Variants in BIRC6 observed in about 807,000 individuals in gnomAD.
The protein encoded by BIRC6 is dual E2 ubiquitin-conjugating enzyme/E3 ubiquitin-protein ligase BIRC6.
Under a neutral mutation model 503.3 loss-of-function variants are expected in BIRC6, and 98 were observed. That is an observed-to-expected ratio of 0.19 (90% CI 0.17 to 0.23). BIRC6 has a LOEUF of 0.23. BIRC6 is among the 10% of genes least tolerant of loss of function. BIRC6 has a pLI of 1.00. For synonymous variants in BIRC6, 2,240 were observed against 2,078.7 expected (o/e 1.08, Z -2.11); for missense variants, 5,360 against 5,806.0 (o/e 0.92, Z 2.50).
rs1004954859 is a variant in BIRC6 at position 32,467,857 on chromosome 2, T to C, written c.5572-46T>C. On this transcript the variant is annotated intron_variant, in intron 27 of 73. Coordinates refer to ENST00000421745, the MANE Select transcript of BIRC6 (RefSeq NM_016252.4). ...TTTAAATACATTGCTCAGATTTTTATTGTGGCAGATGTGTATATATGTATA... is the reference window on the plus strand; with the variant it reads ...TTTAAATACATTGCTCAGATTTTTACTGTGGCAGATGTGTATATATGTATA... 37 of 1,489,978 alleles carry C rather than the reference T, an allele frequency of 2.5e-5. 1 individual carries two copies. Among genetic ancestry groups the C allele is most frequent in the Non-Finnish European group, 3.4e-5 (37 of 1,098,372 alleles). 92.3% of individuals were successfully genotyped at this position (1,489,978 alleles called of 1,614,324 possible). A position where few individuals can be genotyped will look rare whatever the true frequency, so the allele number is the denominator to read the frequency against.
chr2:32,448,396 C>G (rs992763751), intron 21 of BIRC6, among the ~76,000 whole-genome samples: 5 of 149,168 alleles, frequency 3.4e-5, no homozygotes, highest in Non-Finnish European at 7.5e-5. Flanking sequence ...CGTCTGCAAT[C>G]CCGGCACCTC....
chr2:32,606,169 C>A (rs140310394), intron 71 of BIRC6, among the ~76,000 whole-genome samples: 1 of 152,148 alleles, frequency 6.6e-6, no homozygotes, highest in Non-Finnish European at 1.5e-5. Context: ...TCTATAGATA[C>A]ATTAACTGGA....
At chr2:32,535,350 C>T (rs181881076) in intron 61 of BIRC6, among the ~76,000 whole-genome samples, 221 of 152,092 alleles carry the variant, frequency 1.5e-3, no homozygotes, top group African/African-American at 5.1e-3. Flanking sequence ...ATGTGCACAA[C>T]GTGCAGGTTT....
Position 32,524,770 on chromosome 2 carries a change from T to C in BIRC6, c.11624-118T>C, listed in dbSNP as rs555121910. ...TCATGCCATTTCTCCTAAATTCCTT[T>C]ATATTGCCTTAGTATTAAGGATAAT... On this transcript the variant is annotated intron_variant, in intron 57 of 73. Transcript: ENST00000421745. 70 of 701,136 alleles carry C rather than the reference T, an allele frequency of 1.0e-4. 1 individual carries two copies. The Middle Eastern group carries it at 3.4e-3, about 34-fold the overall frequency. The allele number at this position is 701,136 out of a possible 1,614,324, so 43.4% of individuals were successfully genotyped here. A position where few individuals can be genotyped will look rare whatever the true frequency, so the allele number is the denominator to read the frequency against.
intron 10 of BIRC6, among the ~76,000 whole-genome samples, chr2:32,427,268 T>G (rs1401659397): frequency 2.7e-5 from 4 of 150,868 alleles, no homozygotes; most frequent in Non-Finnish European, 4.4e-5. Flanking sequence ...TCCAAGCTTC[T>G]TTTAATTTTT....
intron 1 of BIRC6, among the ~76,000 whole-genome samples, chr2:32,358,621 A>G (rs2033568881): frequency 6.6e-6 from 1 of 152,258 alleles, no homozygotes; most frequent in Non-Finnish European, 1.5e-5. Flanking sequence ...ATTCACTTGT[A>G]TTTTAACGTA....
At chr2:32,541,090 A>G (rs1013320116) in intron 61 of BIRC6, among the ~76,000 whole-genome samples, 2 of 152,066 alleles carry the variant, frequency 1.3e-5, no homozygotes, top group African/African-American at 4.8e-5. Flanking sequence ...TTGTGGCATC[A>G]TATGAGAATA....
At position 32,433,819 on chromosome 2, in the gene BIRC6, A is replaced by G; in HGVS notation, c.3409+15A>G. On this transcript the variant is annotated intron_variant, in intron 13 of 73. Coordinates refer to ENST00000421745, the MANE Select transcript of BIRC6 (RefSeq NM_016252.4). ...GAAAGTCAATGGTAAGAATGTATCAAAATTTATCTTTGAAGATTTTATTTT... is the reference window on the plus strand; with the variant it reads ...GAAAGTCAATGGTAAGAATGTATCAGAATTTATCTTTGAAGATTTTATTTT... 1 of 1,490,592 alleles carries G rather than the reference A, an allele frequency of 6.7e-7. No individual in the cohort carries two copies. Among genetic ancestry groups the G allele is most frequent in the African/African-American group, 1.4e-5 (1 of 72,746 alleles). The allele number at this position is 1,490,592 out of a possible 1,614,324, so 92.3% of individuals were successfully genotyped here. A position where few individuals can be genotyped will look rare whatever the true frequency, so the allele number is the denominator to read the frequency against.
At chr2:32,497,000 C>G (rs534523314) in intron 45 of BIRC6, among the ~76,000 whole-genome samples, 2 of 152,150 alleles carry the variant, frequency 1.3e-5, no homozygotes, top group Non-Finnish European at 2.9e-5. Context: ...AGATATGTTA[C>G]TAGCTGGAGC....
At chr2:32,607,422 C>A in intron 71 of BIRC6, 33 bp from the exon 72 acceptor site, 1 of 1,376,856 alleles carries the variant, frequency 7.3e-7, no homozygotes, top group South Asian at 1.9e-5. Context: ...TAAAAATGTC[C>A]CATCATAGCT....
intron 3 of BIRC6, among the ~76,000 whole-genome samples, chr2:32,382,173 C>G (rs1161689508): frequency 2.0e-5 from 3 of 152,134 alleles, no homozygotes; most frequent in Non-Finnish European, 4.4e-5. Flanking sequence ...TTATCAGAAC[C>G]TAGAAACTTA....
At chr2:32,432,140 G>T (rs1574160180) in intron 12 of BIRC6, among the ~76,000 whole-genome samples, 1 of 152,172 alleles carries the variant, frequency 6.6e-6, no homozygotes, top group African/African-American at 2.4e-5. Flanking sequence ...TGGGTGCCAG[G>T]CATGGTCGCT....
chr2:32,392,888 C>G (rs1241793709), intron 5 of BIRC6, among the ~76,000 whole-genome samples: 1 of 151,914 alleles, frequency 6.6e-6, no homozygotes, highest in Non-Finnish European at 1.5e-5. Flanking sequence ...GATCTACGCA[C>G]CTCATCCTCC....
intron 12 of BIRC6, 36 bp downstream of exon 12, chr2:32,431,126 C>T: frequency 1.5e-6 from 2 of 1,351,208 alleles, no homozygotes; most frequent in Non-Finnish European, 2.0e-6. Flanking sequence ...ATTTTAAGTC[C>T]ATCTTGTGTA....
intron 66 of BIRC6, among the ~76,000 whole-genome samples, chr2:32,581,154 GGTCCT>G (rs1320508352): frequency 6.6e-6 from 1 of 152,180 alleles, no homozygotes; most frequent in African/African-American, 2.4e-5. Flanking sequence ...TTTGTATTAA[GGTCCT>G]GGAATGGCAG....
chr2:32,530,789 C>T (rs904022926), intron 60 of BIRC6, among the ~76,000 whole-genome samples: 9 of 152,162 alleles, frequency 5.9e-5, no homozygotes, highest in East Asian at 3.9e-4. Flanking sequence ...TTTTTCAGCA[C>T]GATTATTTCT....
intron 39 of BIRC6, 99 bp from the exon 40 acceptor site, chr2:32,485,544 C>T (rs2050896653): frequency 1.4e-6 from 1 of 735,674 alleles, no homozygotes; most frequent in Non-Finnish European, 2.3e-6. Context: ...ACACACTCTT[C>T]ATCCTCTCTT....
chr2:32,392,091 C>T lies in BIRC6; in HGVS notation c.892C>T (p.His298Tyr). The change falls in exon 5 of 74, where the codon CAT becomes TAT. Residue 298 changes from histidine (H) to tyrosine (Y), a missense_variant. This residue lies in a region of BIRC6 where 92 missense variants were observed against 176.7 expected (regional missense o/e 0.52). Coordinates refer to ENST00000421745, the MANE Select transcript of BIRC6 (RefSeq NM_016252.4). ...ACGGGAGACATTTACCTCATGGCCT[C>T]ATGTAGGCTATAGGTGGGCACAACC... is the stretch of plus-strand genomic sequence containing the variant. The part of the protein sequence containing the change: ...NRRETFTSWP[H>Y]VGYRWAQPDP... 1.3e-6 allele frequency: 2 copies of T among 1,599,330 alleles called. No homozygotes were observed. Among genetic ancestry groups the T allele is most frequent in the Non-Finnish European group, 1.7e-6 (2 of 1,172,368 alleles).
In BIRC6 at chr2:32,459,137, T is replaced by G. The variant is rs1413502268; in HGVS notation, c.4754-4057T>G. On this transcript the variant is annotated intron_variant, in intron 23 of 73. Transcript: ENST00000421745. Reference sequence around the variant, plus strand: ...GTGTTATGCAGTTATCACCACTATCTAATTCTAGAACATTTCCATCACTAC... The same window carrying G: ...GTGTTATGCAGTTATCACCACTATCGAATTCTAGAACATTTCCATCACTAC... Among the ~76,000 whole-genome samples, 6 of 152,322 alleles carry G rather than the reference T, an allele frequency of 3.9e-5. No homozygotes were observed. The South Asian group carries it at 1.0e-3, about 26-fold the overall frequency.
Sources: gnomAD v4.1 joint callset for allele counts (sites outside exome capture counted in the v4.1 genomes callset) on GRCh38, gnomAD v4.1.1 for gene constraint, gnomAD v4.1.1 regional missense constraint, MANE v1.5 for transcripts, NCBI Gene and HGNC (gene_info 2026-07-23, HGNC 2026-07-21) for gene names.